The following ZNF792 variants were observed in gnomAD, a reference collection of about 807,000 sequenced individuals.
ZNF792 encodes the protein zinc finger protein 792.
ZNF792 carries 14 observed loss-of-function variants against 13.1 expected under a neutral mutation model. The observed-to-expected ratio is 1.07, with a 90% CI of 0.71 to 1.67. The LOEUF (loss-of-function observed/expected upper bound fraction) is 1.67, where lower values mean the gene tolerates loss of function less well. Ranked by LOEUF, ZNF792 falls within the 40% of genes most tolerant of loss-of-function variation. The probability of loss-of-function intolerance (pLI) is 0.00; values close to 1 mark genes in which losing one functional copy is unlikely to be tolerated. For synonymous variants in ZNF792, 257 were observed against 292.0 expected (o/e 0.88, Z 1.22); for missense variants, 740 against 807.9 (o/e 0.92, Z 1.02).
rs769301401 is a variant in ZNF792, at chr19:34,957,162, A to G, written c.*794T>C. On this transcript the variant is annotated 3_prime_UTR_variant, in exon 4 of 4. Transcript: ENST00000404801. ...AGGTGCTAAACAGCATCTGCTTTACAGTATTGGGGAATATGGGGCACCCCC... is the reference window on the plus strand; with the variant it reads ...AGGTGCTAAACAGCATCTGCTTTACGGTATTGGGGAATATGGGGCACCCCC... 2.6e-5 allele frequency: 4 copies of G among 152,204 alleles called. No homozygotes were observed. The highest frequency in any genetic ancestry group is 4.4e-5 in the Non-Finnish European group (3 of 68,038). The allele number at this position is 152,204 out of a possible 1,614,324, so 9.4% of individuals were successfully genotyped here.
chr19:34,963,942 T>G lies in ZNF792; in HGVS notation c.-280A>C. 3 of 400,144 alleles carry G rather than the reference T, an allele frequency of 7.5e-6. No individual in the cohort carries two copies. Among genetic ancestry groups the G allele is most frequent in the Non-Finnish European group, 8.9e-6 (2 of 225,152 alleles). 24.8% of individuals were successfully genotyped at this position (400,144 alleles called of 1,614,324 possible). A position where few individuals can be genotyped will look rare whatever the true frequency, so the allele number is the denominator to read the frequency against. On this transcript the variant is annotated 5_prime_UTR_variant, in exon 1 of 4. Transcript: ENST00000404801. ...GGCGCGGAGGGGGTCCCGGCCTCAC[T>G]GTCCCCCTCGCGGTCCGGGAAAGCC...
chr19:34,963,945 C>T lies in ZNF792; in HGVS notation c.-283G>A, dbSNP rs1600244967. The stretch of plus-strand genomic sequence containing the variant: ...GCGGAGGGGGTCCCGGCCTCACTGT[C>T]CCCCTCGCGGTCCGGGAAAGCCGGC... On this transcript the variant is annotated 5_prime_UTR_variant, in exon 1 of 4. Transcript: ENST00000404801. The T allele has an allele frequency of 2.5e-5, 10 of 400,426 alleles. No homozygotes were observed. In the East Asian group the frequency reaches 3.9e-4, roughly 16 times the overall value. The allele number at this position is 400,426 out of a possible 1,614,324, so 24.8% of individuals were successfully genotyped here. A position where few individuals can be genotyped will look rare whatever the true frequency, so the allele number is the denominator to read the frequency against.
rs2013453756 is a variant in ZNF792, at chr19:34,957,793, C to T, written c.*163G>A. ...TTGGAAAGAGAGAGGAGAGGTCTGC[C>T]TTCCCTGAGCACAGTGGAGTGGTGG... On this transcript the variant is annotated 3_prime_UTR_variant, in exon 4 of 4. Transcript: ENST00000404801. 1.5e-6 allele frequency: 1 copy of T among 669,948 alleles called. No homozygotes were observed. Among genetic ancestry groups the T allele is most frequent in the Non-Finnish European group, 2.5e-6 (1 of 406,360 alleles). The allele number at this position is 669,948 out of a possible 1,614,324, so 41.5% of individuals were successfully genotyped here.
chr19:34,961,065 A>ACTCTCCTCCCCAGCTCC, intron 1 of ZNF792, 71 bp from the exon 2 acceptor site: 3 of 1,543,576 alleles, frequency 1.9e-6, no homozygotes, highest in Non-Finnish European at 1.8e-6. Context: ...TCCCCTGCTC[A>ACTCTCCTCCCCAGCTCC]CTCTCCTCCC....
At chr19:34,962,568 T>C (rs1396963020) in intron 1 of ZNF792, among the ~76,000 whole-genome samples, 2 of 152,238 alleles carry the variant, frequency 1.3e-5, no homozygotes, top group Non-Finnish European at 2.9e-5. Flanking sequence ...CTTCCTGGAT[T>C]GTCAGTCCAG....
rs1395268726 is a variant in ZNF792, at chr19:34,959,119, C to G, written c.736G>C (p.Asp246His). ...TTATGCCTTAGTGCAATGTGAAAATCCACCACACCTTCGGTGGCCTCGTGC... is the reference window on the plus strand; with the variant it reads ...TTATGCCTTAGTGCAATGTGAAAATGCACCACACCTTCGGTGGCCTCGTGC... ...EPHEATEGVV[D>H]FHIALRHNKC... Residue 246 changes from aspartate (D) to histidine (H), a missense_variant, in exon 4 of 4, where the codon GAT becomes CAT. Asp to His is a moderately conservative substitution (Grantham distance 81, BLOSUM62 -1). Transcript: ENST00000404801. 1 of 1,613,740 alleles carries G rather than the reference C, an allele frequency of 6.2e-7. No individual in the cohort carries two copies. The highest frequency in any genetic ancestry group is 2.2e-5 in the East Asian group (1 of 44,884).
intron 1 of ZNF792, among the ~76,000 whole-genome samples, chr19:34,963,140 A>G (rs2013552091): frequency 6.6e-6 from 1 of 152,002 alleles, no homozygotes; most frequent in African/African-American, 2.4e-5. Context: ...CTGTGCATCC[A>G]CAGGGAGCCT....
chr19:34,959,481 G>A lies in ZNF792; in HGVS notation c.374C>T (p.Thr125Ile). The A allele has an allele frequency of 6.2e-7, 1 of 1,612,570 alleles. No individual in the cohort carries two copies. Among genetic ancestry groups the A allele is most frequent in the East Asian group, 2.2e-5 (1 of 44,872 alleles). ...GVAQDRSPEA[T>I]LCPQKTCPCD... ...GGGGCAGGTCTTCTGGGGGCACAGA[G>A]TTGCCTCGGGACTCCTGTCCTGTGC... Residue 125 changes from threonine to isoleucine, a missense_variant, in exon 4 of 4, where the codon ACT (threonine) becomes ATT (isoleucine). Transcript: ENST00000404801.
chr19:34,960,837 C>T (rs555842056), intron 2 of ZNF792, 31 bp downstream of exon 2: 50 of 1,613,722 alleles, frequency 3.1e-5, no homozygotes, highest in East Asian at 1.8e-4. Flanking sequence ...GAGAGGAGCT[C>T]GGGACACCGG....
rs1568551974 is a variant in ZNF792 at position 34,958,792 on chromosome 19, G to A, written c.1063C>T (p.Gln355Ter). The change falls in exon 4 of 4, where the codon CAG becomes TAG. Residue 355 changes from glutamine (Q) to a stop codon, truncating the protein, a stop_gained. Coordinates refer to ENST00000404801, the MANE Select transcript of ZNF792 (RefSeq NM_175872.5). LOFTEE classifies it low-confidence loss of function (END_TRUNC). ...TCACCAGTGTGAACCCTCTTATGCT[G>A]AATGAGGTTGGAGCTTCGGCTGAAG... ...KFFSRSSNLI[Q>*]HKRVHTGEKP... 1 of 1,613,204 alleles carries A rather than the reference G, an allele frequency of 6.2e-7. No individual in the cohort carries two copies. The highest frequency in any genetic ancestry group is 8.5e-7 in the Non-Finnish European group (1 of 1,179,758).
chr19:34,963,712 G>C lies in ZNF792; in HGVS notation c.-50C>G. On this transcript the variant is annotated 5_prime_UTR_variant, in exon 1 of 4. Transcript: ENST00000404801. ...CCCACGGTGCGGGAAACCACGGGGC[G>C]GGGGTAGGGGGTCTCGCAGGCTGAG... The C allele has an allele frequency of 6.6e-7, 1 of 1,520,814 alleles. No homozygotes were observed. The highest frequency in any genetic ancestry group is 8.8e-7 in the Non-Finnish European group (1 of 1,135,898). The allele number at this position is 1,520,814 out of a possible 1,614,324, so 94.2% of individuals were successfully genotyped here.
Position 34,958,187 on chromosome 19 carries a change from G to T in ZNF792, c.1668C>A (p.His556Gln). The T allele has an allele frequency of 6.2e-7, 1 of 1,611,930 alleles. No homozygotes were observed. Residue 556 changes from histidine (H) to glutamine (Q), a missense_variant, in exon 4 of 4, where the codon CAC (histidine) becomes CAA (glutamine). By Grantham distance (24) the His-to-Gln change is conservative. Coordinates refer to ENST00000404801, the MANE Select transcript of ZNF792 (RefSeq NM_175872.5). ...RSNLRQHLKV[H>Q]KPDRPYECSE... The stretch of plus-strand genomic sequence containing the variant: ...TGCATTCGTAAGGCCTGTCTGGTTT[G>T]TGAACTTTCAGGTGCTGCCTCAGAT...
In ZNF792 at chr19:34,963,817, T is replaced by C. The variant is rs2013566823; in HGVS notation, c.-155A>G. On this transcript the variant is annotated 5_prime_UTR_variant, in exon 1 of 4. Coordinates refer to ENST00000404801, the MANE Select transcript of ZNF792 (RefSeq NM_175872.5). ...GCACTCCTAGCCTCAGTCTCCCCCG[T>C]GCAAAATGCGCAAGGGGCCCGGGGC... 2.3e-6 allele frequency: 2 copies of C among 864,216 alleles called. No individual in the cohort carries two copies. Among genetic ancestry groups the C allele is most frequent in the Non-Finnish European group, 3.4e-6 (2 of 586,644 alleles). The allele number at this position is 864,216 out of a possible 1,614,324, so 53.5% of individuals were successfully genotyped here. A position where few individuals can be genotyped will look rare whatever the true frequency, so the allele number is the denominator to read the frequency against.
In ZNF792 at chr19:34,963,681, C is replaced by G. The variant is rs1056800587; in HGVS notation, c.-19G>C. ...CTGCCATCGGAGTCTGTGGTCAGAG[C>G]AGGGCCCCACGGTGCGGGAAACCAC... On this transcript the variant is annotated 5_prime_UTR_variant, in exon 1 of 4. Coordinates refer to ENST00000404801, the MANE Select transcript of ZNF792 (RefSeq NM_175872.5). 5.7e-6 allele frequency: 9 copies of G among 1,585,520 alleles called. No homozygotes were observed. Among genetic ancestry groups the G allele is most frequent in the African/African-American group, 5.4e-5 (4 of 73,550 alleles).
In ZNF792 at chr19:34,958,837, A is replaced by G; in HGVS notation, c.1018T>C (p.Cys340Arg). 6.2e-7 allele frequency: 1 copy of G among 1,612,518 alleles called. No homozygotes were observed. Among genetic ancestry groups the G allele is most frequent in the Non-Finnish European group, 8.5e-7 (1 of 1,178,740 alleles). The change falls in exon 4 of 4, where the codon TGT (cysteine) becomes CGT (arginine). Residue 340 changes from cysteine to arginine, a missense_variant. Transcript: ENST00000404801. ...CTGAAGAATTTCCCACAGTCACCAC[A>G]CACGTGAGGGCTTTCACCGGTGTGA... ...RVHTGESPHV[C>R]GDCGKFFSRS... is the part of the protein sequence containing the mutation.
chr19:34,958,721 A>G lies in ZNF792; in HGVS notation c.1134T>C (p.Arg378=). The G allele has an allele frequency of 1.2e-6, 2 of 1,613,102 alleles. No individual in the cohort carries two copies. The highest frequency in any genetic ancestry group is 1.7e-6 in the Non-Finnish European group (2 of 1,179,718). ...CSDCGKFFSQ[R]SNLIHHKRVH... ...CCCTCTTATGATGAATGAGGTTGGA[A>G]CGCTGGCTGAAGAACTTCCCACAGT... The change falls in exon 4 of 4, where the codon CGT becomes CGC. Residue 378 remains arginine (R), a synonymous_variant. Coordinates refer to ENST00000404801, the MANE Select transcript of ZNF792 (RefSeq NM_175872.5).
In ZNF792 at chr19:34,959,167, C is replaced by T. The variant is rs764561999; in HGVS notation, c.688G>A (p.Val230Ile). 6.2e-7 allele frequency: 1 copy of T among 1,614,022 alleles called. No homozygotes were observed. Among genetic ancestry groups the T allele is most frequent in the Non-Finnish European group, 8.5e-7 (1 of 1,179,878 alleles). Reference protein sequence around the residue: ...VATAGFLQCEVTPSDGEPHEA... With the variant: ...VATAGFLQCEITPSDGEPHEA... ...TGCGGCTCCCCATCGCTGGGAGTGACCTCACACTGCAGAAACCCTGCTGTG... is the reference window on the plus strand; with the variant it reads ...TGCGGCTCCCCATCGCTGGGAGTGATCTCACACTGCAGAAACCCTGCTGTG... Residue 230 changes from valine (V) to isoleucine (I), a missense_variant, in exon 4 of 4, where the codon GTC becomes ATC. Transcript: ENST00000404801.
intron 3 of ZNF792, 93 bp from the exon 4 acceptor site, chr19:34,959,664 C>T: frequency 7.4e-7 from 1 of 1,357,206 alleles, no homozygotes; most frequent in Non-Finnish European, 9.9e-7. Context: ...AGAATAAGCC[C>T]ATGGGATTGT....
In ZNF792 at chr19:34,957,091, G is replaced by A. The variant is rs190617021; in HGVS notation, c.*865C>T. 1.1e-3 allele frequency: 172 copies of A among 152,334 alleles called. No homozygotes were observed. Among genetic ancestry groups the A allele is most frequent in the African/African-American group, 4.1e-3 (170 of 41,568 alleles). 9.4% of individuals were successfully genotyped at this position (152,334 alleles called of 1,614,324 possible). On this transcript the variant is annotated 3_prime_UTR_variant, in exon 4 of 4. Transcript: ENST00000404801. ...TGGGCCTGGTATGTCTTACAGTTAA[G>A]AGATACCTGCCTAATGCTGAACTTC... is the stretch of plus-strand genomic sequence containing the variant.
Sources: allele counts gnomAD v4.1 joint callset (sites outside exome capture counted in the v4.1 genomes callset), GRCh38; gene constraint gnomAD v4.1.1; transcripts MANE v1.5; gene names NCBI Gene and HGNC (gene_info 2026-07-23, HGNC 2026-07-21).